Variants in ACTN1 observed in about 807,000 individuals in gnomAD.
ACTN1 encodes alpha-actinin-1.
In ACTN1, 30 loss-of-function variants were observed where a neutral mutation model predicts 119.6. The observed-to-expected ratio is 0.25, with a 90% CI of 0.19 to 0.34. ACTN1 has a LOEUF of 0.34. Among genes scored for constraint, ACTN1 ranks in the 10% least tolerant of loss-of-function variants. The probability of loss-of-function intolerance (pLI) is 1.00; values close to 1 mark genes in which losing one functional copy is unlikely to be tolerated. For synonymous variants in ACTN1, 429 were observed against 472.6 expected, an observed-to-expected ratio of 0.91 and a Z score of 1.20; for missense variants, 764 against 1,223.4, an observed-to-expected ratio of 0.62 and a Z score of 5.60.
At chr14:68,895,593 C>G (rs1169753770) in intron 8 of ACTN1, among the ~76,000 whole-genome samples, 6 of 152,114 alleles carry the variant, frequency 3.9e-5, no homozygotes, top group African/African-American at 1.4e-4. Flanking sequence ...GAGGATGTGC[C>G]ACCCCGGAAG....
rs1228637843 is a variant in ACTN1, at chr14:68,885,690, G to T, written c.1235-115C>A. 12 of 1,244,714 alleles carry T rather than the reference G, an allele frequency of 9.6e-6. No individual in the cohort carries two copies. Among genetic ancestry groups the T allele is most frequent in the South Asian group, 1.4e-5 (1 of 70,252 alleles). 77.1% of individuals were successfully genotyped at this position (1,244,714 alleles called of 1,614,324 possible). ...ACTTCTGGGGGTGCTTCTCAAGGAG[G>T]TGCCCATTGTGCAGGGATCTGCAGG... On this transcript the variant is annotated intron_variant, in intron 11 of 21. Transcript: ENST00000394419. The surrounding 1 kb of genome is among the most constrained non-coding windows in gnomAD (Gnocchi z 5.6).
chr14:68,905,096 T>C (rs1478776941), intron 6 of ACTN1, among the ~76,000 whole-genome samples: 1 of 152,176 alleles, frequency 6.6e-6, no homozygotes, highest in Non-Finnish European at 1.5e-5. Flanking sequence ...CCTCAACCAG[T>C]GGGACTCGTG....
chr14:68,880,445 CCA>C lies in ACTN1; in HGVS notation c.2134-339_2134-338del, dbSNP rs756116686. 1.1e-4 allele frequency among the ~76,000 whole-genome samples: 13 copies of C among 123,554 alleles called. No individual in the cohort carries two copies. The highest frequency in any genetic ancestry group is 2.2e-4 in the African/African-American group (6 of 27,460). The allele number at this position is 123,554 out of a possible 152,430, so 81.1% of individuals were successfully genotyped here. A position where few individuals can be genotyped will look rare whatever the true frequency, so the allele number is the denominator to read the frequency against. On this transcript the variant is annotated intron_variant, in intron 17 of 21. Transcript: ENST00000394419. This position sits in a 1 kb window ranked among gnomAD's most constrained non-coding sequence, Gnocchi z 4.6. Reference sequence around the variant, plus strand: ...ATTCCCCGAACCTCCAACCCCACAGCCACGCGCGCACACACACATACACACAC... The same window carrying C: ...ATTCCCCGAACCTCCAACCCCACAGCCGCGCGCACACACACATACACACAC...
At chr14:68,947,638 C>T (rs2035985481) in intron 1 of ACTN1, 2 of 152,306 alleles carry the variant, frequency 1.3e-5, no homozygotes, top group South Asian at 2.1e-4. Context: ...AGCAGGGTTC[C>T]CGTTCCTATT....
rs1358263873 is a variant in ACTN1 at position 68,977,806 on chromosome 14, C to CCCA, written c.105+1145_105+1146insTGG. ...AAAGGGACGCGCCATCCTGTCCCCC[C>CCCA]CCCACCCAAAACCCCATTCCCAGAT... is the stretch of plus-strand genomic sequence containing the variant. On this transcript the variant is annotated intron_variant, in intron 1 of 21. Transcript: ENST00000394419. The CCCA allele has an allele frequency of 2.4e-5, 9 of 368,830 alleles. No homozygotes were observed. The East Asian group carries it at 6.4e-4, about 26-fold the overall frequency. The allele number at this position is 368,830 out of a possible 1,614,324, so 22.8% of individuals were successfully genotyped here.
rs543499143 is a variant in ACTN1, at chr14:68,904,536, G to A, written c.676+119C>T. On this transcript the variant is annotated intron_variant, in intron 7 of 21. Transcript: ENST00000394419. ...TGTGATCCCCATGCTCCTCAAATGCGGTCCCAGAAGACCAGGCCTCCTCCC... is the reference window on the plus strand; with the variant it reads ...TGTGATCCCCATGCTCCTCAAATGCAGTCCCAGAAGACCAGGCCTCCTCCC... The A allele has an allele frequency of 6.3e-5, 49 of 777,166 alleles. No homozygotes were observed. In the Middle Eastern group the frequency reaches 2.6e-3, roughly 42 times the overall value. 48.1% of individuals were successfully genotyped at this position (777,166 alleles called of 1,614,324 possible). A position where few individuals can be genotyped will look rare whatever the true frequency, so the allele number is the denominator to read the frequency against.
chr14:68,923,220 C>A (rs1476781403), intron 2 of ACTN1, among the ~76,000 whole-genome samples: 1 of 152,128 alleles, frequency 6.6e-6, no homozygotes, highest in Non-Finnish European at 1.5e-5. Flanking sequence ...AGATGACCTG[C>A]CCCAAGGAGC....
Position 68,909,575 on chromosome 14 carries a change from G to C in ACTN1, c.516-179C>G, listed in dbSNP as rs993663867. Among the ~76,000 whole-genome samples the C allele has an allele frequency of 3.3e-5, 5 of 152,174 alleles. No homozygotes were observed. The highest frequency in any genetic ancestry group is 6.5e-5 in the Admixed American group (1 of 15,284). ...TTCCTGCCACAAATCCCAGGCACTAGGGTCAAGACTTTGTGGGGGGGTTGA... is the reference window on the plus strand; with the variant it reads ...TTCCTGCCACAAATCCCAGGCACTACGGTCAAGACTTTGTGGGGGGGTTGA... On this transcript the variant is annotated intron_variant, in intron 5 of 21. Coordinates refer to ENST00000394419, the MANE Select transcript of ACTN1 (RefSeq NM_001130004.2). The surrounding 1 kb of genome is among the most constrained non-coding windows in gnomAD (Gnocchi z 4.1).
rs771146521 is a variant in ACTN1 at position 68,882,428 on chromosome 14, C to T, written c.1953+30G>A. On this transcript the variant is annotated intron_variant, in intron 16 of 21. Coordinates refer to ENST00000394419, the MANE Select transcript of ACTN1 (RefSeq NM_001130004.2). The surrounding 1 kb of genome is among the most constrained non-coding windows in gnomAD (Gnocchi z 4.5). ...AGTGTCGGGGGGGAGGGGTGGGAGC[C>T]CCAGCACTGCTTCCCAGCATGGGAC... is the stretch of plus-strand genomic sequence containing the variant. The T allele has an allele frequency of 7.5e-5, 121 of 1,611,132 alleles. 1 individual carries two copies. The South Asian group carries it at 1.3e-3, about 17-fold the overall frequency.
chr14:68,969,540 C>T (rs1000300977), intron 1 of ACTN1, among the ~76,000 whole-genome samples: 1 of 152,254 alleles, frequency 6.6e-6, no homozygotes. Flanking sequence ...AGCCACTCCT[C>T]TGCCAAGGTC....
intron 3 of ACTN1, among the ~76,000 whole-genome samples, chr14:68,916,054 G>A (rs1202014397): frequency 3.3e-5 from 5 of 152,238 alleles, no homozygotes; most frequent in African/African-American, 1.2e-4. Context: ...AGACATTAAT[G>A]CTTATGAGTG....
rs375348157 is a variant in ACTN1 at position 68,909,129 on chromosome 14, G to A, written c.594+189C>T. Among the ~76,000 whole-genome samples the A allele has an allele frequency of 2.0e-5, 3 of 152,310 alleles. No individual in the cohort carries two copies. Among genetic ancestry groups the A allele is most frequent in the East Asian group, 1.9e-4 (1 of 5,184 alleles). The stretch of plus-strand genomic sequence containing the variant: ...CAAGTACACACACACCACGCACAAG[G>A]GTAATGAAGTTGCCCTAACAGGGAA... On this transcript the variant is annotated intron_variant, in intron 6 of 21. Transcript: ENST00000394419. This position sits in a 1 kb window ranked among gnomAD's most constrained non-coding sequence, Gnocchi z 4.1.
chr14:68,893,634 G>T (rs1231525673), intron 9 of ACTN1, 21 bp downstream of exon 9: 1 of 1,611,818 alleles, frequency 6.2e-7, no homozygotes, highest in Non-Finnish European at 8.5e-7. Flanking sequence ...AGTCAGGCCA[G>T]GTGAACCCGG....
chr14:68,965,493 GGACCAATTAT>G (rs1385460953), intron 1 of ACTN1, among the ~76,000 whole-genome samples: 1 of 152,214 alleles, frequency 6.6e-6, no homozygotes, highest in East Asian at 1.9e-4. Context: ...TCTACACAAA[GGACCAATTAT>G]GATCAGTCCA....
rs1435960666 is a variant in ACTN1 at position 68,882,834 on chromosome 14, T to G, written c.1818+39A>C. On this transcript the variant is annotated intron_variant, in intron 15 of 21. Transcript: ENST00000394419. The surrounding 1 kb of genome is among the most constrained non-coding windows in gnomAD (Gnocchi z 4.5). ...AAATGGACAAAAATCCCTGCCTTTA[T>G]GAAACTTACAATGGCTCGGCCCATG... The G allele has an allele frequency of 6.3e-7, 1 of 1,594,342 alleles. No homozygotes were observed. The highest frequency in any genetic ancestry group is 1.3e-5 in the African/African-American group (1 of 74,446).
intron 1 of ACTN1, chr14:68,978,113 G>C (rs2037131911): frequency 6.6e-6 from 3 of 455,306 alleles, no homozygotes; most frequent in Middle Eastern, 3.3e-4. Flanking sequence ...GCCTGCCTGG[G>C]ATGCAGCTCC....
chr14:68,913,479 C>G (rs1664615069), intron 3 of ACTN1, among the ~76,000 whole-genome samples: 2 of 152,166 alleles, frequency 1.3e-5, no homozygotes, highest in Admixed American at 1.3e-4. Flanking sequence ...GCAGTTCTGA[C>G]CCTACTAGGA....
At chr14:68,904,442 A>G (rs2033540115) in intron 7 of ACTN1, among the ~76,000 whole-genome samples, 1 of 152,158 alleles carries the variant, frequency 6.6e-6, no homozygotes, top group African/African-American at 2.4e-5. Flanking sequence ...AGCCCCTAAG[A>G]CCTTTGCAGA....
intron 6 of ACTN1, among the ~76,000 whole-genome samples, chr14:68,905,978 G>A (rs1380661139): frequency 2.3e-5 from 3 of 131,960 alleles, no homozygotes; most frequent in Non-Finnish European, 3.2e-5. Flanking sequence ...GCAAGACCTC[G>A]TCTCAAAAAA....
Sources: gnomAD v4.1 joint callset for allele counts (sites outside exome capture counted in the v4.1 genomes callset) on GRCh38, gnomAD v4.1.1 for gene constraint, Gnocchi (gnomAD v3.1) non-coding constraint, MANE v1.5 for transcripts, NCBI Gene and HGNC (gene_info 2026-07-23, HGNC 2026-07-21) for gene names.